SLC8A1: variants seen among roughly 807,000 people sequenced by gnomAD.
SLC8A1 encodes solute carrier family 8 member A1.
SLC8A1 carries 18 observed loss-of-function variants against 68.3 expected under a neutral mutation model. The observed-to-expected ratio is 0.26, with a 90% CI of 0.18 to 0.39. The LOEUF is 0.39. SLC8A1 is among the 10% of genes least tolerant of loss of function. The pLI, the probability that SLC8A1 is intolerant of heterozygous loss-of-function variation, is 1.00. For missense variants in SLC8A1, 985 were observed against 1,156.7 expected (o/e 0.85, Z 2.15); for synonymous variants, 475 against 415.5 (o/e 1.14, Z -1.74).
intron 2 of SLC8A1, among the ~76,000 whole-genome samples, chr2:40,334,625 C>G (rs531519450): frequency 6.6e-6 from 1 of 152,132 alleles, no homozygotes; most frequent in East Asian, 1.9e-4. Context: ...AGGAATCATG[C>G]CCTTAAAATG....
At chr2:40,356,350 A>G (rs1672658154) in intron 2 of SLC8A1, among the ~76,000 whole-genome samples, 1 of 152,208 alleles carries the variant, frequency 6.6e-6, no homozygotes, top group Non-Finnish European at 1.5e-5. Context: ...CAAGGTATGA[A>G]AAACCAATTC....
intron 1 of SLC8A1, among the ~76,000 whole-genome samples, chr2:40,473,427 C>A (rs1704108294): frequency 6.6e-6 from 1 of 152,152 alleles, no homozygotes; most frequent in Admixed American, 6.5e-5. Flanking sequence ...CCTTTTCCCT[C>A]TCCCCTACTT....
At chr2:40,141,024 G>A (rs1573044358) in intron 6 of SLC8A1, among the ~76,000 whole-genome samples, 1 of 152,288 alleles carries the variant, frequency 6.6e-6, no homozygotes, top group East Asian at 1.9e-4. Context: ...TTCTTGAAGT[G>A]GTGGCAAATA....
At position 40,242,618 on chromosome 2, in the gene SLC8A1, C is replaced by T. The variant is rs532351164; in HGVS notation, c.1809-64763G>A. 2.6e-5 allele frequency among the ~76,000 whole-genome samples: 4 copies of T among 152,326 alleles called. No individual in the cohort carries two copies. In the South Asian group the frequency reaches 8.3e-4, roughly 32 times the overall value. On this transcript the variant is annotated intron_variant, in intron 2 of 7. Transcript: ENST00000406785. ...ACAAATGTCATAGAAACAGCTGCCA[C>T]CACTTCTTTGCATTAGGCATCTCTT...
exon 8 of SLC8A1, chr2:40,107,272 T>C (rs2034261642): frequency 9.5e-5 from 1 of 10,566 alleles, no homozygotes; most frequent in Non-Finnish European, 3.5e-4. Flanking sequence ...AGAGCGAGAC[T>C]CCGTCTCAAA....
intron 2 of SLC8A1, among the ~76,000 whole-genome samples, chr2:40,358,582 T>TG (rs1673497547): frequency 6.6e-6 from 1 of 152,216 alleles, no homozygotes; most frequent in South Asian, 2.1e-4. Context: ...GGAGCTGAAC[T>TG]GAGGATCAAT....
chr2:40,113,747 G>C (rs375358264), exon 8 of SLC8A1: 4 of 152,756 alleles, frequency 2.6e-5, no homozygotes, highest in African/African-American at 9.6e-5. Context: ...TTGTGGAAAG[G>C]GTGGCTCTGA....
At chr2:40,411,457 A>G (rs1692109087) in intron 2 of SLC8A1, among the ~76,000 whole-genome samples, 1 of 152,058 alleles carries the variant, frequency 6.6e-6, no homozygotes, top group South Asian at 2.1e-4. Context: ...TACCATGTCT[A>G]TAAATTTTGG....
chr2:40,432,139 T>A (rs1163187255), intron 1 of SLC8A1, among the ~76,000 whole-genome samples: 1 of 152,008 alleles, frequency 6.6e-6, no homozygotes, highest in Admixed American at 6.6e-5. Context: ...CCTGCAAGAA[T>A]GTTGGAAGAT....
chr2:40,407,973 G>T (rs1690905708), intron 2 of SLC8A1, among the ~76,000 whole-genome samples: 1 of 152,098 alleles, frequency 6.6e-6, no homozygotes, highest in African/African-American at 2.4e-5. Flanking sequence ...ACAAATGCAG[G>T]GACACACATA....
intron 1 of SLC8A1, among the ~76,000 whole-genome samples, chr2:40,499,202 A>C (rs1016013891): frequency 1.3e-5 from 2 of 152,044 alleles, no homozygotes; most frequent in Non-Finnish European, 2.9e-5. Context: ...TTTTCAGTTC[A>C]TCTCTGTGCT....
intron 1 of SLC8A1, among the ~76,000 whole-genome samples, chr2:40,470,033 G>T (rs1335746336): frequency 1.3e-5 from 2 of 151,924 alleles, no homozygotes; most frequent in Non-Finnish European, 2.9e-5. Context: ...TCGACTATTT[G>T]GTTTCCCTAA....
intron 7 of SLC8A1, among the ~76,000 whole-genome samples, chr2:40,116,670 A>C (rs2035486466): frequency 6.6e-6 from 1 of 152,228 alleles, no homozygotes; most frequent in Non-Finnish European, 1.5e-5. Context: ...CTAGGAAAAA[A>C]ACATGTTAGG....
chr2:40,195,564 T>C (rs956072551), intron 2 of SLC8A1, among the ~76,000 whole-genome samples: 2 of 152,100 alleles, frequency 1.3e-5, no homozygotes, highest in African/African-American at 4.8e-5. Flanking sequence ...ATCTTTATGA[T>C]TATCTATAAC....
At chr2:40,297,758 G>T (rs537074686) in intron 2 of SLC8A1, among the ~76,000 whole-genome samples, 1 of 152,158 alleles carries the variant, frequency 6.6e-6, no homozygotes, top group African/African-American at 2.4e-5. Context: ...TAGAGTAACA[G>T]TCTCAAGAAA....
chr2:40,257,482 G>A (rs1383917912), intron 2 of SLC8A1, among the ~76,000 whole-genome samples: 3 of 151,572 alleles, frequency 2.0e-5, no homozygotes, highest in African/African-American at 7.3e-5. Flanking sequence ...TTTATGGAAG[G>A]AACATCATCA....
At chr2:40,248,657 T>G (rs953631244) in intron 2 of SLC8A1, among the ~76,000 whole-genome samples, 13 of 152,296 alleles carry the variant, frequency 8.5e-5, no homozygotes, top group African/African-American at 3.1e-4. Flanking sequence ...TAATAAAATA[T>G]GTCATTTTTT....
chr2:40,253,913 A>C (rs2063433648), intron 2 of SLC8A1, among the ~76,000 whole-genome samples: 1 of 113,740 alleles, frequency 8.8e-6, no homozygotes, highest in South Asian at 2.4e-4. Flanking sequence ...TTTATGGTAC[A>C]AGAATACAGT....
intron 2 of SLC8A1, among the ~76,000 whole-genome samples, chr2:40,368,478 G>A (rs1173395972): frequency 6.6e-6 from 1 of 151,910 alleles, no homozygotes. Context: ...ATTTTATTGG[G>A]AGGAACTGGG....
Sources: allele counts gnomAD v4.1 joint callset (sites outside exome capture counted in the v4.1 genomes callset), GRCh38; gene constraint gnomAD v4.1.1; transcripts MANE v1.5; gene names NCBI Gene and HGNC (gene_info 2026-07-23, HGNC 2026-07-21).